The following CIMIP2A variants were observed in gnomAD, a reference collection of about 807,000 sequenced individuals.
The protein encoded by CIMIP2A is ciliary microtubule inner protein 2A, also known as family with sequence similarity 166 member A.
At chr9:137,249,604 C>T in the CIMIP2A span, among the ~76,000 whole-genome samples, 1 of 152,198 alleles carries the variant, frequency 6.6e-6, no homozygotes, top group Non-Finnish European at 1.5e-5. Flanking sequence ...GGTCTTAAGA[C>T]CCTTCCAGGA....
the CIMIP2A span, chr9:137,244,235 G>C: frequency 6.2e-7 from 1 of 1,613,894 alleles, no homozygotes; most frequent in Non-Finnish European, 8.5e-7. Context: ...TGCTGGGCCA[G>C]TGTGTTCCAG....
chr9:137,251,158 T>TCGGGGCC, the CIMIP2A span: 1 of 735,438 alleles, frequency 1.4e-6, no homozygotes. Flanking sequence ...CCACCAGGGG[T>TCGGGGCC]CGGGGCCCGG....
At chr9:137,247,564 G>C in the CIMIP2A span, 1 of 1,162,398 alleles carries the variant, frequency 8.6e-7, no homozygotes, top group African/African-American at 1.5e-5. Flanking sequence ...GTCCAGCTCT[G>C]GGCCCCTCAC....
chr9:137,245,994 T>A, the CIMIP2A span: 1 of 590,104 alleles, frequency 1.7e-6, no homozygotes, highest in Non-Finnish European at 2.8e-6. Context: ...TGCCCTCTGC[T>A]CACCTGTAAA....
chr9:137,249,774 G>A, the CIMIP2A span, among the ~76,000 whole-genome samples: 12 of 152,178 alleles, frequency 7.9e-5, no homozygotes, highest in South Asian at 2.1e-4. Flanking sequence ...GCCCCTCCCC[G>A]TGCCTCTCTC....
the CIMIP2A span, chr9:137,244,377 C>G: frequency 6.3e-7 from 1 of 1,593,682 alleles, no homozygotes; most frequent in East Asian, 2.2e-5. Flanking sequence ...GCCGGAGGGC[C>G]GGCACTCCGT....
chr9:137,244,829 C>T, the CIMIP2A span: 3 of 1,572,998 alleles, frequency 1.9e-6, no homozygotes, highest in East Asian at 4.6e-5. Flanking sequence ...GGAAGCCAGG[C>T]AAGGCTCCCT....
chr9:137,244,041 C>A, the CIMIP2A span: 1 of 1,047,574 alleles, frequency 9.5e-7, no homozygotes, highest in South Asian at 1.4e-5. Flanking sequence ...CAATCCTACC[C>A]CAACCAAGGT....
the CIMIP2A span, chr9:137,247,623 C>CA: frequency 2.5e-6 from 4 of 1,601,614 alleles, no homozygotes; most frequent in Non-Finnish European, 3.4e-6. Context: ...CTCCTGCAGC[C>CA]CTGGCCCCAG....
At chr9:137,253,218 C>G in the CIMIP2A span, 69 of 1,608,302 alleles carry the variant, frequency 4.3e-5, no homozygotes, top group Non-Finnish European at 5.6e-5. Flanking sequence ...CCAAGCGCCA[C>G]GACACAGGCC....
chr9:137,245,881 C>A, the CIMIP2A span: 1 of 1,480,612 alleles, frequency 6.8e-7, no homozygotes, highest in Non-Finnish European at 9.0e-7. Flanking sequence ...GAAGGCAGGG[C>A]AGGTCTCAAG....
the CIMIP2A span, chr9:137,243,633 C>G: frequency 7.4e-6 from 12 of 1,613,894 alleles, no homozygotes; most frequent in South Asian, 1.1e-5. Flanking sequence ...TGGCCTGTCC[C>G]ACTGTGTGCA....
At chr9:137,245,133 G>A in the CIMIP2A span, 31 of 1,597,530 alleles carry the variant, frequency 1.9e-5, 1 homozygote, top group Middle Eastern at 3.3e-4. Flanking sequence ...GTCCAGCTGC[G>A]GCAGCCGCTG....
At chr9:137,254,321 C>T in the CIMIP2A span, among the ~76,000 whole-genome samples, 1 of 152,256 alleles carries the variant, frequency 6.6e-6, no homozygotes, top group African/African-American at 2.4e-5. Context: ...GAACCCTCGC[C>T]CTAGGGCTGA....
At chr9:137,244,681 G>A in the CIMIP2A span, 223 of 1,613,836 alleles carry the variant, frequency 1.4e-4, 1 homozygote, top group East Asian at 3.6e-3. Context: ...GCATGACGCC[G>A]TCTCGGTAAT....
At chr9:137,243,809 G>A in the CIMIP2A span, 1 of 1,612,904 alleles carries the variant, frequency 6.2e-7, no homozygotes, top group Non-Finnish European at 8.5e-7. Context: ...CCAGGCTGCA[G>A]CTGAGCTGGG....
At chr9:137,251,847 A>T in the CIMIP2A span, 1 of 1,607,060 alleles carries the variant, frequency 6.2e-7, no homozygotes, top group Non-Finnish European at 8.5e-7. Context: ...ACAGACGGGC[A>T]CCCCCCAGGA....
chr9:137,252,380 G>A, the CIMIP2A span: 2 of 1,543,336 alleles, frequency 1.3e-6, no homozygotes, highest in East Asian at 2.3e-5. Context: ...GGTTCGAGTG[G>A]GGACTGTCAC....
chr9:137,243,612 A>AGCCTGTCCTGTG, the CIMIP2A span: 2 of 1,613,358 alleles, frequency 1.2e-6, no homozygotes, highest in East Asian at 2.2e-5. Context: ...ATTCACTCCC[A>AGCCTGTCCTGTG]GCCTGTCCTG....
Sources: allele counts gnomAD v4.1 joint callset (sites outside exome capture counted in the v4.1 genomes callset), GRCh38; gene constraint gnomAD v4.1.1; transcripts MANE v1.5; gene names NCBI Gene and HGNC (gene_info 2026-07-23, HGNC 2026-07-21).